RCC1L: variants seen among roughly 807,000 people sequenced by gnomAD.
RCC1L encodes the protein RCC1-like G exchanging factor-like protein.
RCC1L carries 46 observed loss-of-function variants against 58.6 expected under a neutral mutation model. That is an observed-to-expected ratio of 0.79 (90% CI 0.62 to 1.00). RCC1L has a LOEUF of 1.00. Ranked by LOEUF, RCC1L falls within the 50% of genes least tolerant of loss-of-function variation. The pLI is 0.00. For synonymous variants in RCC1L, 281 were observed against 262.9 expected, an observed-to-expected ratio of 1.07 and a Z score of -0.67; for missense variants, 636 against 623.6, an observed-to-expected ratio of 1.02 and a Z score of -0.21.
At position 75,064,661 on chromosome 7, in the gene RCC1L, C is replaced by T; in HGVS notation, c.584-13G>A. On this transcript the variant is annotated splice_polypyrimidine_tract_variant and intron_variant, in intron 3 of 10. Coordinates refer to ENST00000610322, the MANE Select transcript of RCC1L (RefSeq NM_030798.5). ...CCCATGCTGAAGACTAAAAATAACA[C>T]CACCAATCAAATCAGTTCTGCAGGT... is the stretch of plus-strand genomic sequence containing the variant. The T allele has an allele frequency of 6.2e-6, 10 of 1,613,552 alleles. No homozygotes were observed. Among genetic ancestry groups the T allele is most frequent in the Non-Finnish European group, 7.6e-6 (9 of 1,179,644 alleles).
In RCC1L at chr7:75,052,815, AG is replaced by A. The variant is rs1554443502; in HGVS notation, c.1232-20del. On this transcript the variant is annotated intron_variant, in intron 9 of 10. Coordinates refer to ENST00000610322, the MANE Select transcript of RCC1L (RefSeq NM_030798.5). The stretch of plus-strand genomic sequence containing the variant: ...CCTTTGTCTGCAAAGGGAGGAAAAC[AG>A]GGGTTGGTTGGGACTGTGTGAAGAA... 6.2e-7 allele frequency: 1 copy of A among 1,607,602 alleles called. No individual in the cohort carries two copies. Among genetic ancestry groups the A allele is most frequent in the Admixed American group, 1.7e-5 (1 of 59,136 alleles).
intron 10 of RCC1L, among the ~76,000 whole-genome samples, chr7:75,029,143 G>A (rs1293145350): frequency 6.6e-6 from 1 of 152,206 alleles, no homozygotes; most frequent in Non-Finnish European, 1.5e-5. Context: ...AAAGCCCAGG[G>A]CACTATTTGG....
intron 10 of RCC1L, among the ~76,000 whole-genome samples, chr7:75,035,434 G>A (rs1343855695): frequency 6.6e-6 from 1 of 152,120 alleles, no homozygotes; most frequent in East Asian, 1.9e-4. Context: ...TAAATATTCA[G>A]TATCTTGGAA....
rs1464365127 is a variant in RCC1L at position 75,042,728 on chromosome 7, C to T, written c.*304G>A. Reference sequence around the variant, plus strand: ...GCTTTCCTAAGACGGGCTTCTCAGGCGAGACGTGACACCAGACACCGTCGC... The same window carrying T: ...GCTTTCCTAAGACGGGCTTCTCAGGTGAGACGTGACACCAGACACCGTCGC... On this transcript the variant is annotated 3_prime_UTR_variant, in exon 11 of 11. Coordinates refer to ENST00000610322, the MANE Select transcript of RCC1L (RefSeq NM_030798.5). 8 of 1,316,092 alleles carry T rather than the reference C, an allele frequency of 6.1e-6. No homozygotes were observed. The highest frequency in any genetic ancestry group is 7.0e-5 in the Admixed American group (2 of 28,664). 81.5% of individuals were successfully genotyped at this position (1,316,092 alleles called of 1,614,324 possible). A position where few individuals can be genotyped will look rare whatever the true frequency, so the allele number is the denominator to read the frequency against.
rs999384314 is a variant in RCC1L at position 75,042,928 on chromosome 7, C to T, written c.*104G>A. The T allele has an allele frequency of 8.3e-3, 13,110 of 1,583,156 alleles. 75 individuals are homozygous for T. The highest frequency in any genetic ancestry group is 0.01 in the Non-Finnish European group (11,786 of 1,163,708). ...GCGTCACACTGCACGCAGGGTCCTC[C>T]GCCACCACCATCCAAGAACCCCGGG... On this transcript the variant is annotated 3_prime_UTR_variant, in exon 11 of 11. Coordinates refer to ENST00000610322, the MANE Select transcript of RCC1L (RefSeq NM_030798.5).
chr7:75,052,759 T>A lies in RCC1L; in HGVS notation c.1269A>T (p.Arg423=). Residue 423 remains arginine, a synonymous_variant, in exon 10 of 11, where the codon CGA becomes CGT. Transcript: ENST00000610322. ...GELFVWGKNI[R]GCLGIGRLED... ...CCAGGCGACCGATTCCCAGGCACCC[T>A]CGGATGTTCTTGCCCCATACAAACA... The A allele has an allele frequency of 6.2e-7, 1 of 1,613,334 alleles. No individual in the cohort carries two copies. The highest frequency in any genetic ancestry group is 8.5e-7 in the Non-Finnish European group (1 of 1,179,746).
intron 10 of RCC1L, among the ~76,000 whole-genome samples, chr7:75,048,160 G>C (rs1470842328): frequency 6.6e-6 from 1 of 151,140 alleles, no homozygotes; most frequent in Middle Eastern, 3.4e-3. Context: ...CCAGCTACTG[G>C]GGAGGCTGAG....
chr7:75,072,161 CATATATATATAT>C (rs1165938365), intron 1 of RCC1L, among the ~76,000 whole-genome samples: 2 of 46,366 alleles, frequency 4.3e-5, no homozygotes, highest in East Asian at 1.6e-3. Flanking sequence ...TATACATATA[CATATATATATAT>C]ATATATATAT....
Position 75,042,232 on chromosome 7 carries a change from A to G in RCC1L, c.*800T>C. The G allele has an allele frequency of 5.1e-6, 5 of 985,474 alleles. No individual in the cohort carries two copies. Among genetic ancestry groups the G allele is most frequent in the Non-Finnish European group, 6.0e-6 (5 of 829,938 alleles). 61.0% of individuals were successfully genotyped at this position (985,474 alleles called of 1,614,324 possible). On this transcript the variant is annotated 3_prime_UTR_variant, in exon 11 of 11. Coordinates refer to ENST00000610322, the MANE Select transcript of RCC1L (RefSeq NM_030798.5). ...GACTTTATTCCAAGACAGATTTGTA[A>G]AAGATGTTTTTAAAGGGAAAGGCAA...
chr7:75,069,119 G>A lies in RCC1L; in HGVS notation c.454+1521C>T, dbSNP rs181596326. 2.2e-4 allele frequency among the ~76,000 whole-genome samples: 34 copies of A among 151,998 alleles called. No homozygotes were observed. In the East Asian group the frequency reaches 3.1e-3, roughly 14 times the overall value. Reference sequence around the variant, plus strand: ...TCTGATCTCGTGATCCACCCGCCTCGGCCTCCCAAAGTGCTGGGATTACAG... The same window carrying A: ...TCTGATCTCGTGATCCACCCGCCTCAGCCTCCCAAAGTGCTGGGATTACAG... On this transcript the variant is annotated intron_variant, in intron 2 of 10. Coordinates refer to ENST00000610322, the MANE Select transcript of RCC1L (RefSeq NM_030798.5).
rs1213352407 is a variant in RCC1L, at chr7:75,066,686, AAG to A, written c.559_560del (p.Leu187CysfsTer4). Reference protein sequence around the residue: ...LQVSCGRAHSLVLTDREGVFS... With the variant: ...LQVSCGRAHSXVLTDREGVFS... ...CACCTCCTTCCCTGTCAGTCAACACAAGAGAGTGAGCTCGGCCGCAGGAGACC... is the reference window on the plus strand; with the variant it reads ...CACCTCCTTCCCTGTCAGTCAACACAAGAGTGAGCTCGGCCGCAGGAGACC... On this transcript the variant is annotated frameshift_variant, in exon 3 of 11. Transcript: ENST00000610322. LOFTEE classifies it high-confidence loss of function. 1 of 1,612,942 alleles carries A rather than the reference AAG, an allele frequency of 6.2e-7. No individual in the cohort carries two copies. The highest frequency in any genetic ancestry group is 8.5e-7 in the Non-Finnish European group (1 of 1,179,426).
At chr7:75,060,347 T>G (rs1270459024) in intron 6 of RCC1L, among the ~76,000 whole-genome samples, 1 of 152,270 alleles carries the variant, frequency 6.6e-6, no homozygotes, top group Non-Finnish European at 1.5e-5. Context: ...TGCCTTGGGC[T>G]GCTGGCCAGG....
intron 1 of RCC1L, 58 bp downstream of exon 1, chr7:75,073,356 G>C: frequency 2.5e-6 from 2 of 795,796 alleles, no homozygotes; most frequent in Non-Finnish European, 3.6e-6. Flanking sequence ...AACAGGTCGA[G>C]GGAGGCCGGG....
chr7:75,040,581 G>A (rs1291999307), downstream of RCC1L, among the ~76,000 whole-genome samples: 5 of 151,854 alleles, frequency 3.3e-5, no homozygotes, highest in Non-Finnish European at 7.4e-5. Flanking sequence ...CTGCCATCCC[G>A]AACCCCGCCC....
At chr7:75,061,752 C>T (rs1806285661) in intron 5 of RCC1L, among the ~76,000 whole-genome samples, 1 of 152,180 alleles carries the variant, frequency 6.6e-6, no homozygotes, top group African/African-American at 2.4e-5. Flanking sequence ...TTAACTGTGG[C>T]CTCTGCACTG....
chr7:75,051,923 T>C (rs985463672), intron 10 of RCC1L, among the ~76,000 whole-genome samples: 5 of 152,212 alleles, frequency 3.3e-5, no homozygotes, highest in East Asian at 3.9e-4. Context: ...GAACAAAAAC[T>C]GGGTGGTGGG....
At chr7:75,056,675 C>T (rs1554443986) in intron 8 of RCC1L, 1 of 1,535,366 alleles carries the variant, frequency 6.5e-7, no homozygotes, top group South Asian at 1.2e-5. Flanking sequence ...GTAGTTCGCT[C>T]TCCACTCCAG....
At chr7:75,050,718 C>G (rs369890885) in intron 10 of RCC1L, among the ~76,000 whole-genome samples, 1 of 152,244 alleles carries the variant, frequency 6.6e-6, no homozygotes, top group South Asian at 2.1e-4. Flanking sequence ...TTCCTCACAC[C>G]GGCAGTTTCC....
rs782385810 is a variant in RCC1L at position 75,066,658 on chromosome 7, A to G, written c.583+6T>C. ...TCTTCCATCACCCTTCAATAGGTCA[A>G]CTCACCTCCTTCCCTGTCAGTCAAC... On this transcript the variant is annotated splice_donor_region_variant and intron_variant, in intron 3 of 10. Coordinates refer to ENST00000610322, the MANE Select transcript of RCC1L (RefSeq NM_030798.5). The G allele has an allele frequency of 3.1e-6, 5 of 1,610,790 alleles. No individual in the cohort carries two copies. In the African/African-American group the frequency reaches 4.0e-5, roughly 13 times the overall value.
Sources: gnomAD v4.1 joint callset for allele counts (sites outside exome capture counted in the v4.1 genomes callset) on GRCh38, gnomAD v4.1.1 for gene constraint, MANE v1.5 for transcripts, NCBI Gene and HGNC (gene_info 2026-07-23, HGNC 2026-07-21) for gene names.